The following PLCB1 variants were observed in gnomAD, a reference collection of about 807,000 sequenced individuals.
The protein encoded by PLCB1 is 1-phosphatidylinositol 4,5-bisphosphate phosphodiesterase beta-1.
PLCB1 carries 46 observed loss-of-function variants against 161.8 expected under a neutral mutation model. The observed-to-expected ratio is 0.28, with a 90% CI of 0.22 to 0.36. PLCB1 has a LOEUF of 0.36. Among genes scored for constraint, PLCB1 ranks in the 10% least tolerant of loss-of-function variants. The pLI is 1.00. For missense variants in PLCB1, 1,016 were observed against 1,472.5 expected (o/e 0.69, Z 5.07); for synonymous variants, 517 against 503.7 (o/e 1.03, Z -0.35).
In PLCB1 at chr20:8,446,399, G is replaced by A. The variant is rs1980828556; in HGVS notation, c.246+74949G>A. ...ACTCTCAATAAATTAGGTATTGATG[G>A]GATGTATCTCAAAATAATAAGAGCT... On this transcript the variant is annotated intron_variant, in intron 3 of 31. Coordinates refer to ENST00000338037, the MANE Select transcript of PLCB1 (RefSeq NM_015192.4). Among the ~76,000 whole-genome samples the A allele has an allele frequency of 2.6e-5, 4 of 152,208 alleles. No individual in the cohort carries two copies. In the South Asian group the frequency reaches 8.3e-4, roughly 32 times the overall value.
At chr20:8,712,294 C>CA (rs1176623105) in intron 12 of PLCB1, among the ~76,000 whole-genome samples, 2 of 151,492 alleles carry the variant, frequency 1.3e-5, no homozygotes, top group Non-Finnish European at 2.9e-5. Flanking sequence ...GACTTTGTCT[C>CA]AAAAAAACTA....
At chr20:8,795,619 G>A (rs1249788566) in intron 31 of PLCB1, among the ~76,000 whole-genome samples, 1 of 152,218 alleles carries the variant, frequency 6.6e-6, no homozygotes, top group Non-Finnish European at 1.5e-5. Flanking sequence ...ACACTGGCCA[G>A]TCTTCTGACT....
intron 2 of PLCB1, among the ~76,000 whole-genome samples, chr20:8,283,716 T>G (rs1982985758): frequency 6.6e-6 from 1 of 152,050 alleles, no homozygotes; most frequent in Non-Finnish European, 1.5e-5. Flanking sequence ...ATTTGAGTAC[T>G]CACTGCATCA....
intron 12 of PLCB1, among the ~76,000 whole-genome samples, chr20:8,709,634 G>T (rs544904859): frequency 6.6e-6 from 1 of 152,258 alleles, no homozygotes; most frequent in Non-Finnish European, 1.5e-5. Context: ...AATTCTTAAA[G>T]AGTTCACTAG....
intron 3 of PLCB1, among the ~76,000 whole-genome samples, chr20:8,379,658 A>G (rs1364040999): frequency 1.3e-5 from 2 of 152,208 alleles, no homozygotes; most frequent in African/African-American, 2.4e-5. Context: ...CTGGCATGAG[A>G]TGGAATCTTA....
In PLCB1 at chr20:8,232,631, AT is replaced by A. The variant is rs556650388; in HGVS notation, c.177+82261del. Among the ~76,000 whole-genome samples the A allele has an allele frequency of 5.7e-3, 874 of 152,196 alleles. 4 individuals are homozygous for A. Among genetic ancestry groups the A allele is most frequent in the African/African-American group, 0.019 (791 of 41,528 alleles). On this transcript the variant is annotated intron_variant, in intron 2 of 31. Transcript: ENST00000338037. ...TATCTGGAATCCTTTCAGAAGCCTGATCCCCCACTTCGTGCATTCTGAAAGT... is the reference window on the plus strand; with the variant it reads ...TATCTGGAATCCTTTCAGAAGCCTGACCCCCACTTCGTGCATTCTGAAAGT...
At chr20:8,383,021 T>G (rs1987309183) in intron 3 of PLCB1, among the ~76,000 whole-genome samples, 1 of 152,216 alleles carries the variant, frequency 6.6e-6, no homozygotes. Context: ...TGATTTGGGT[T>G]GGAGAGTTCT....
intron 27 of PLCB1, among the ~76,000 whole-genome samples, chr20:8,782,190 T>A (rs1406558495): frequency 6.6e-6 from 1 of 152,182 alleles, no homozygotes; most frequent in African/African-American, 2.4e-5. Flanking sequence ...GATGCTTGAC[T>A]TTTTTGTCCA....
chr20:8,728,128 T>C (rs1020499371), intron 17 of PLCB1, among the ~76,000 whole-genome samples: 2 of 152,152 alleles, frequency 1.3e-5, no homozygotes, highest in Admixed American at 1.3e-4. Context: ...TAGTATTCCT[T>C]ATTGACTGTG....
chr20:8,484,506 G>T (rs568263242), intron 3 of PLCB1, among the ~76,000 whole-genome samples: 2 of 151,436 alleles, frequency 1.3e-5, no homozygotes, highest in South Asian at 2.1e-4. Context: ...GACTACAGGC[G>T]CCCCCTCACC....
intron 4 of PLCB1, among the ~76,000 whole-genome samples, chr20:8,628,919 T>A (rs1988440091): frequency 6.6e-6 from 1 of 151,094 alleles, no homozygotes; most frequent in South Asian, 2.1e-4. Context: ...GGTGACAGAG[T>A]GAGACTGTAT....
chr20:8,393,504 G>A (rs1342737562), intron 3 of PLCB1, among the ~76,000 whole-genome samples: 1 of 151,982 alleles, frequency 6.6e-6, no homozygotes, highest in Non-Finnish European at 1.5e-5. Flanking sequence ...AAAAAATATA[G>A]GTGGATGCAG....
intron 2 of PLCB1, among the ~76,000 whole-genome samples, chr20:8,262,049 G>T (rs886902897): frequency 3.3e-5 from 5 of 151,834 alleles, no homozygotes; most frequent in Non-Finnish European, 7.4e-5. Flanking sequence ...TTGTTTTTAT[G>T]TGCGTTTTTG....
chr20:8,755,205 A>G (rs1350791436), intron 23 of PLCB1, among the ~76,000 whole-genome samples: 3 of 152,158 alleles, frequency 2.0e-5, no homozygotes, highest in Admixed American at 6.5e-5. Context: ...CAGTTTTGGA[A>G]GATGGTTTAA....
intron 10 of PLCB1, among the ~76,000 whole-genome samples, chr20:8,688,387 C>T (rs1280555384): frequency 6.6e-6 from 1 of 152,006 alleles, no homozygotes; most frequent in Non-Finnish European, 1.5e-5. Flanking sequence ...TGCTTTTACC[C>T]AAAAGCAATT....
chr20:8,344,909 C>A (rs1985945003), intron 2 of PLCB1, among the ~76,000 whole-genome samples: 1 of 152,164 alleles, frequency 6.6e-6, no homozygotes, highest in African/African-American at 2.4e-5. Context: ...TGAAAGTGAG[C>A]ACAATAGATG....
At chr20:8,268,154 C>CCTGTGTGATGT (rs1982077659) in intron 2 of PLCB1, among the ~76,000 whole-genome samples, 1 of 151,870 alleles carries the variant, frequency 6.6e-6, no homozygotes, top group African/African-American at 2.4e-5. Flanking sequence ...GTGTGATGTT[C>CCTGTGTGATGT]CCCACCCTGT....
intron 3 of PLCB1, among the ~76,000 whole-genome samples, chr20:8,541,600 G>GAAAGAAATAAATAAAGAAAT (rs71183096): frequency 2.0e-5 from 3 of 150,646 alleles, no homozygotes; most frequent in Non-Finnish European, 4.4e-5. Flanking sequence ...AAGAAAGAAA[G>GAAAGAAATAAATAAAGAAAT]AAAGAAAGGA....
intron 2 of PLCB1, among the ~76,000 whole-genome samples, chr20:8,346,606 A>G (rs979403325): frequency 2.0e-5 from 3 of 152,232 alleles, no homozygotes; most frequent in African/African-American, 7.2e-5. Flanking sequence ...TTGTTACATT[A>G]ATCAAGGCAG....
Sources: allele counts gnomAD v4.1 joint callset (sites outside exome capture counted in the v4.1 genomes callset), GRCh38; gene constraint gnomAD v4.1.1; transcripts MANE v1.5; gene names NCBI Gene and HGNC (gene_info 2026-07-23, HGNC 2026-07-21).